GPR107: variants seen among roughly 807,000 people sequenced by gnomAD.
The protein encoded by GPR107 is protein GPR107.
Under a neutral mutation model 75.5 loss-of-function variants are expected in GPR107, and 31 were observed. The observed-to-expected ratio is 0.41, with a 90% CI of 0.31 to 0.55. The LOEUF (loss-of-function observed/expected upper bound fraction) is 0.55, where lower values mean the gene tolerates loss of function less well. Ranked by LOEUF, GPR107 falls within the 20% of genes least tolerant of loss-of-function variation. GPR107 has a pLI of 0.26. For synonymous variants in GPR107, 267 were observed against 251.3 expected (o/e 1.06, Z -0.59); for missense variants, 572 against 665.7 (o/e 0.86, Z 1.55).
In GPR107 at chr9:130,103,557, G is replaced by A. The variant is rs897045733; in HGVS notation, c.1132-863G>A. ...GCTAAGAGCCTAATAACGGGCCTGA[G>A]TACAGAGCTTAATAGTGGGCCTGAG... On this transcript the variant is annotated intron_variant, in intron 12 of 17. Coordinates refer to ENST00000347136, the MANE Select transcript of GPR107 (RefSeq NM_020960.5). This position sits in a 1 kb window ranked among gnomAD's most constrained non-coding sequence, Gnocchi z 4.3. Among the ~76,000 whole-genome samples the A allele has an allele frequency of 2.0e-5, 3 of 152,148 alleles. No individual in the cohort carries two copies. The highest frequency in any genetic ancestry group is 1.9e-4 in the East Asian group (1 of 5,196).
intron 6 of GPR107, 102 bp downstream of exon 6, chr9:130,083,704 G>A: frequency 1.6e-6 from 1 of 624,028 alleles, no homozygotes; most frequent in Non-Finnish European, 2.6e-6. Flanking sequence ...ATACATACAT[G>A]CATGCACAGA....
intron 1 of GPR107, among the ~76,000 whole-genome samples, chr9:130,073,907 C>T (rs1286747230): frequency 6.6e-6 from 1 of 152,190 alleles, no homozygotes; most frequent in African/African-American, 2.4e-5. Flanking sequence ...AGGCATGTGC[C>T]ACAATGCCCG....
rs56799662 is a variant in GPR107, at chr9:130,071,035, C to CTTTT, written c.142-4586_142-4583dup. 2.3e-3 allele frequency among the ~76,000 whole-genome samples: 226 copies of CTTTT among 98,188 alleles called. 9 individuals carry two copies. The highest frequency in any genetic ancestry group is 2.6e-3 in the Non-Finnish European group (140 of 54,890). 64.4% of individuals were successfully genotyped at this position (98,188 alleles called of 152,430 possible). ...GGCCCAGTCCTAACTTTTTTTTTTT[C>CTTTT]TTTTTTTTTTTTTTTTTTGAGACAG... On this transcript the variant is annotated intron_variant, in intron 1 of 17. Coordinates refer to ENST00000347136, the MANE Select transcript of GPR107 (RefSeq NM_020960.5).
At chr9:130,082,931 TTC>T (rs1294808551) in intron 5 of GPR107, among the ~76,000 whole-genome samples, 1 of 150,668 alleles carries the variant, frequency 6.6e-6, no homozygotes, top group Non-Finnish European at 1.5e-5. Flanking sequence ...TCTCATGTTT[TTC>T]TTTTTGAGAT....
At chr9:130,105,180 T>C (rs893349279) in intron 13 of GPR107, among the ~76,000 whole-genome samples, 4 of 152,162 alleles carry the variant, frequency 2.6e-5, no homozygotes, top group Admixed American at 2.6e-4. Context: ...TCCATGGCTA[T>C]TGGAATGCAA....
intron 14 of GPR107, among the ~76,000 whole-genome samples, chr9:130,117,465 T>C (rs1558407): frequency 0.97 from 148,093 of 152,136 alleles, 72,112 homozygotes; most frequent in East Asian, 1. Flanking sequence ...CAGTGTGGTC[T>C]CAGGTCAGCC....
At chr9:130,097,670 T>A (rs1013611701) in intron 9 of GPR107, among the ~76,000 whole-genome samples, 1 of 152,036 alleles carries the variant, frequency 6.6e-6, no homozygotes, top group Non-Finnish European at 1.5e-5. Context: ...TTTTAGAGAC[T>A]TAACCATTTC....
At position 130,104,486 on chromosome 9, in the gene GPR107, TG is replaced by T. The variant is rs1460231818; in HGVS notation, c.1200del (p.Trp400Ter). ...TEEGTTEYGL[W>X]KDSLFLVDLL... ...GGAGGGCACGACTGAATATGGCTTG[TG>T]GAAGGACTCTCTATTTCTGGTCGAC... On this transcript the variant is annotated frameshift_variant, in exon 13 of 18. Coordinates refer to ENST00000347136, the MANE Select transcript of GPR107 (RefSeq NM_020960.5). LOFTEE classifies it high-confidence loss of function. 11 of 1,613,324 alleles carry T rather than the reference TG, an allele frequency of 6.8e-6. No individual in the cohort carries two copies. The highest frequency in any genetic ancestry group is 9.3e-6 in the Non-Finnish European group (11 of 1,179,292).
intron 10 of GPR107, among the ~76,000 whole-genome samples, chr9:130,099,868 CTTTTTTTTTTTTTTTTTTTTTT>C (rs71387314): frequency 7.8e-5 from 7 of 90,022 alleles, no homozygotes; most frequent in Admixed American, 6.9e-4. Context: ...GTTTCCACGA[CTTTTTTTTTTTTTTTTTTTTTT>C]TTTTTTTTTT....
chr9:130,097,811 A>G (rs1830913537), intron 9 of GPR107, among the ~76,000 whole-genome samples: 1 of 150,828 alleles, frequency 6.6e-6, no homozygotes, highest in African/African-American at 2.4e-5. Flanking sequence ...AGCTCAAGTG[A>G]TCCTCCCACC....
At chr9:130,108,424 G>C (rs1831212159) in intron 14 of GPR107, among the ~76,000 whole-genome samples, 2 of 152,154 alleles carry the variant, frequency 1.3e-5, no homozygotes. Context: ...TCACAAACCT[G>C]GTATATAACT....
At chr9:130,127,094 G>A (rs960447105) in intron 15 of GPR107, among the ~76,000 whole-genome samples, 1 of 152,246 alleles carries the variant, frequency 6.6e-6, no homozygotes, top group Non-Finnish European at 1.5e-5. Flanking sequence ...ATTTCCCTGT[G>A]TGGCTTTATT....
chr9:130,108,732 G>C (rs1033063346), intron 14 of GPR107: 13 of 455,914 alleles, frequency 2.9e-5, no homozygotes, highest in Non-Finnish European at 5.3e-5. Context: ...CCTGGGAATA[G>C]CCCTTCTCCC....
In GPR107 at chr9:130,081,299, A is replaced by C. The variant is rs189578246; in HGVS notation, c.526+1530A>C. 1.8e-4 allele frequency among the ~76,000 whole-genome samples: 27 copies of C among 152,308 alleles called. No individual in the cohort carries two copies. The East Asian group carries it at 5.0e-3, about 28-fold the overall frequency. Reference sequence around the variant, plus strand: ...ATCCCTGTAATCCCAGCACTTTGAGAGGCCAAGGCGGGCAGATTACTTGAG... The same window carrying C: ...ATCCCTGTAATCCCAGCACTTTGAGCGGCCAAGGCGGGCAGATTACTTGAG... On this transcript the variant is annotated intron_variant, in intron 5 of 17. Transcript: ENST00000347136.
chr9:130,061,537 T>C (rs1445808734), intron 1 of GPR107, among the ~76,000 whole-genome samples: 1 of 152,020 alleles, frequency 6.6e-6, no homozygotes, highest in African/African-American at 2.4e-5. Context: ...CTGGAGGCCA[T>C]GGTAGGATGT....
At chr9:130,125,846 G>A (rs1316982517) in intron 15 of GPR107, among the ~76,000 whole-genome samples, 2 of 151,852 alleles carry the variant, frequency 1.3e-5, no homozygotes, top group African/African-American at 2.4e-5. Flanking sequence ...TCAGGAGATC[G>A]AGACCATCCT....
chr9:130,069,800 C>G (rs1001731496), intron 1 of GPR107, among the ~76,000 whole-genome samples: 1 of 151,916 alleles, frequency 6.6e-6, no homozygotes, highest in Non-Finnish European at 1.5e-5. Flanking sequence ...ATTCTCTTGC[C>G]TCAGCTTCTC....
chr9:130,077,888 G>A (rs1044121785), intron 4 of GPR107, among the ~76,000 whole-genome samples: 4 of 152,138 alleles, frequency 2.6e-5, no homozygotes, highest in South Asian at 2.1e-4. Context: ...TGTTGAGGCC[G>A]GGCATGGTGG....
chr9:130,130,013 T>G (rs1421787300), intron 17 of GPR107: 1 of 152,258 alleles, frequency 6.6e-6, no homozygotes, highest in Non-Finnish European at 1.5e-5. Context: ...GGCAACAATT[T>G]TTTTAAAATT....
Sources: allele counts gnomAD v4.1 joint callset (sites outside exome capture counted in the v4.1 genomes callset), GRCh38; gene constraint gnomAD v4.1.1; non-coding constraint Gnocchi (gnomAD v3.1); transcripts MANE v1.5; gene names NCBI Gene and HGNC (gene_info 2026-07-23, HGNC 2026-07-21).